ERI3: variants seen among roughly 807,000 people sequenced by gnomAD.
The protein encoded by ERI3 is ERI1 exoribonuclease family member 3, also known as ERI1 exoribonuclease 3.
ERI3 carries 18 observed loss-of-function variants against 44.4 expected under a neutral mutation model. That is an observed-to-expected ratio of 0.41 (90% CI 0.28 to 0.60). The LOEUF is 0.60. Ranked by LOEUF, ERI3 falls within the 20% of genes least tolerant of loss-of-function variation. The pLI is 0.36. For missense variants in ERI3, 294 were observed against 435.5 expected, an observed-to-expected ratio of 0.68 and a Z score of 2.89; for synonymous variants, 183 against 164.8, an observed-to-expected ratio of 1.11 and a Z score of -0.84.
intron 4 of ERI3, among the ~76,000 whole-genome samples, chr1:44,314,645 T>C (rs1204436008): frequency 4.6e-5 from 7 of 152,212 alleles, no homozygotes; most frequent in East Asian, 3.9e-4. Context: ...GAAGAAAAGA[T>C]GGTCCGCTAA....
chr1:44,307,365 C>T (rs1462205111), intron 6 of ERI3, among the ~76,000 whole-genome samples: 1 of 152,044 alleles, frequency 6.6e-6, no homozygotes, highest in Admixed American at 6.6e-5. Flanking sequence ...GCTACTACAC[C>T]ACACCCCTCA....
At position 44,351,585 on chromosome 1, in the gene ERI3, A is replaced by G. The variant is rs190144666; in HGVS notation, c.211+1265T>C. On this transcript the variant is annotated intron_variant, in intron 2 of 8. Coordinates refer to ENST00000372257, the MANE Select transcript of ERI3 (RefSeq NM_024066.3). The stretch of plus-strand genomic sequence containing the variant: ...TTGAGAAGTTGTGACAGAGACCCAA[A>G]GCCTAAATATTTACTATCTTATCCA... Among the ~76,000 whole-genome samples, 53 of 152,326 alleles carry G rather than the reference A, an allele frequency of 3.5e-4. No homozygotes were observed. The East Asian group carries it at 8.5e-3, about 24-fold the overall frequency.
rs1465262383 is a variant in ERI3, at chr1:44,252,180, A to G, written c.832-4142T>C. Among the ~76,000 whole-genome samples, 2 of 152,370 alleles carry G rather than the reference A, an allele frequency of 1.3e-5. No homozygotes were observed. The highest frequency in any genetic ancestry group is 3.9e-4 in the East Asian group (2 of 5,182). ...TCCAGGGCAGGTACTGATGCGAGCC[A>G]CAGGGACAGGTGGAGCTGGCTGAGG... On this transcript the variant is annotated intron_variant, in intron 7 of 8. Transcript: ENST00000372257. The surrounding 1 kb of genome is among the most constrained non-coding windows in gnomAD (Gnocchi z 4.7).
Position 44,221,709 on chromosome 1 carries a change from A to C in ERI3, c.932-69T>G. On this transcript the variant is annotated intron_variant, in intron 8 of 8. Coordinates refer to ENST00000372257, the MANE Select transcript of ERI3 (RefSeq NM_024066.3). This position sits in a 1 kb window ranked among gnomAD's most constrained non-coding sequence, Gnocchi z 5.9. ...CCTCCATGCCCACAGGTGCTCTTAC[A>C]AGGGTGGGGGTGGGAAGCAGGGTCA... 1.4e-4 allele frequency: 177 copies of C among 1,223,838 alleles called. No homozygotes were observed. Among genetic ancestry groups the C allele is most frequent in the Middle Eastern group, 1.9e-4 (1 of 5,194 alleles). 75.8% of individuals were successfully genotyped at this position (1,223,838 alleles called of 1,614,324 possible). A position where few individuals can be genotyped will look rare whatever the true frequency, so the allele number is the denominator to read the frequency against.
intron 2 of ERI3, among the ~76,000 whole-genome samples, chr1:44,343,612 G>C (rs1431322563): frequency 6.6e-6 from 1 of 152,172 alleles, no homozygotes; most frequent in Non-Finnish European, 1.5e-5. Flanking sequence ...AAAGTCTAAA[G>C]GAGACTAGAG....
At chr1:44,291,195 C>A (rs1327685358) in intron 6 of ERI3, among the ~76,000 whole-genome samples, 2 of 152,092 alleles carry the variant, frequency 1.3e-5, no homozygotes, top group Non-Finnish European at 2.9e-5. Context: ...CCACATTGAG[C>A]GGAGGAGGGT....
intron 8 of ERI3, chr1:44,244,141 G>A (rs936133418): frequency 2.0e-5 from 3 of 152,638 alleles, no homozygotes; most frequent in African/African-American, 7.2e-5. Flanking sequence ...GTCCCCTGTG[G>A]AGGCTGCCCT....
chr1:44,333,589 G>A (rs1214619428), intron 3 of ERI3, among the ~76,000 whole-genome samples: 3 of 152,234 alleles, frequency 2.0e-5, no homozygotes, highest in Non-Finnish European at 4.4e-5. Flanking sequence ...AATGTGTTGG[G>A]CAGGGCGGGG....
intron 3 of ERI3, among the ~76,000 whole-genome samples, chr1:44,326,320 T>C (rs532655235): frequency 6.6e-6 from 1 of 152,230 alleles, no homozygotes; most frequent in East Asian, 1.9e-4. Context: ...TCAAGAAGCC[T>C]CCTGGCCACA....
At chr1:44,263,634 G>A (rs953085750) in intron 7 of ERI3, among the ~76,000 whole-genome samples, 6 of 152,308 alleles carry the variant, frequency 3.9e-5, no homozygotes, top group East Asian at 1.9e-4. Context: ...CAGCTTCCCC[G>A]GGGGCTCAGA....
chr1:44,345,709 A>T (rs994420882), intron 2 of ERI3, among the ~76,000 whole-genome samples: 1 of 152,228 alleles, frequency 6.6e-6, no homozygotes, highest in African/African-American at 2.4e-5. Flanking sequence ...CAAAAGTCAT[A>T]ATCTTCAATC....
At chr1:44,311,390 A>G (rs1314297345) in intron 5 of ERI3, among the ~76,000 whole-genome samples, 1 of 152,028 alleles carries the variant, frequency 6.6e-6, no homozygotes, top group African/African-American at 2.4e-5. Flanking sequence ...CGGACAAGAA[A>G]TGAGCTCTTT....
At chr1:44,321,437 A>G (rs1646201591) in intron 3 of ERI3, among the ~76,000 whole-genome samples, 1 of 152,306 alleles carries the variant, frequency 6.6e-6, no homozygotes, top group African/African-American at 2.4e-5. Context: ...AGAGGGGGAC[A>G]CTCATTTCCC....
At chr1:44,284,945 T>C (rs776284475) in intron 6 of ERI3, 38 bp from the exon 7 acceptor site, 7 of 1,560,368 alleles carry the variant, frequency 4.5e-6, no homozygotes, top group Non-Finnish European at 6.2e-6. Flanking sequence ...GTTGGGCGCA[T>C]CCATGTCCCA....
chr1:44,253,510 G>C (rs934605922), intron 7 of ERI3, among the ~76,000 whole-genome samples: 4 of 152,156 alleles, frequency 2.6e-5, no homozygotes, highest in African/African-American at 9.7e-5. Context: ...ACCAGTTGTG[G>C]CAGAGTGTAT....
At chr1:44,286,101 T>C (rs1645389242) in intron 6 of ERI3, among the ~76,000 whole-genome samples, 1 of 152,230 alleles carries the variant, frequency 6.6e-6, no homozygotes, top group Admixed American at 6.5e-5. Context: ...AGCTTCATGC[T>C]ACTCACTAAG....
At chr1:44,319,569 C>T in intron 4 of ERI3, 59 bp downstream of exon 4, 2 of 1,232,000 alleles carry the variant, frequency 1.6e-6, no homozygotes, top group Non-Finnish European at 2.4e-6. Context: ...ATATAGAGCA[C>T]CAAGGATTCC....
chr1:44,339,194 C>T lies in ERI3; in HGVS notation c.340G>A (p.Glu114Lys), dbSNP rs1455062124. 2 of 1,614,062 alleles carry T rather than the reference C, an allele frequency of 1.2e-6. No homozygotes were observed. The highest frequency in any genetic ancestry group is 3.3e-5 in the Admixed American group (2 of 60,008). The change falls in exon 3 of 9, where the codon GAG (glutamate) becomes AAG (lysine). Residue 114 changes from glutamate to lysine, a missense_variant. Coordinates refer to ENST00000372257, the MANE Select transcript of ERI3 (RefSeq NM_024066.3). Reference sequence around the variant, plus strand: ...TTTCTGGTGGATATGGAGCAGAACTCCGGAACACCACAGGGAGAAAATAAG... The same window carrying T: ...TTTCTGGTGGATATGGAGCAGAACTTCGGAACACCACAGGGAGAAAATAAG... ...SHLFSPCGVP[E>K]FCSISTRKLA...
chr1:44,294,003 T>C (rs1645561120), intron 6 of ERI3, among the ~76,000 whole-genome samples: 1 of 152,252 alleles, frequency 6.6e-6, no homozygotes, highest in Non-Finnish European at 1.5e-5. Flanking sequence ...TCACAGGACA[T>C]GGCTGCAGGC....
Sources: allele counts gnomAD v4.1 joint callset (sites outside exome capture counted in the v4.1 genomes callset), GRCh38; gene constraint gnomAD v4.1.1; non-coding constraint Gnocchi (gnomAD v3.1); transcripts MANE v1.5; gene names NCBI Gene and HGNC (gene_info 2026-07-23, HGNC 2026-07-21).